Variants in CNTLN observed in about 807,000 individuals in gnomAD.
CNTLN encodes centlein.
In CNTLN, 212 loss-of-function variants were observed where a neutral mutation model predicts 180.0. The observed-to-expected ratio is 1.18, with a 90% CI of 1.05 to 1.32. The LOEUF (loss-of-function observed/expected upper bound fraction) is 1.32. Ranked by LOEUF, CNTLN falls within the 40% of genes most tolerant of loss-of-function variation. The pLI is 0.00. For synonymous variants in CNTLN, 722 were observed against 563.1 expected, an observed-to-expected ratio of 1.28 and a Z score of -3.99; for missense variants, 2,095 against 1,610.9, an observed-to-expected ratio of 1.30 and a Z score of -5.14.
intron 6 of CNTLN, among the ~76,000 whole-genome samples, chr9:17,295,203 C>A (rs1305444213): frequency 1.3e-5 from 2 of 152,064 alleles, no homozygotes; most frequent in Non-Finnish European, 2.9e-5. Flanking sequence ...TTCCCGCCCA[C>A]GCCTGTCCCT....
chr9:17,440,153 C>T (rs1380463944), intron 18 of CNTLN, among the ~76,000 whole-genome samples: 2 of 152,104 alleles, frequency 1.3e-5, no homozygotes, highest in African/African-American at 4.8e-5. Flanking sequence ...TTGTAACCTT[C>T]ATACAATGCT....
chr9:17,157,626 C>T (rs1028209128), intron 2 of CNTLN, among the ~76,000 whole-genome samples: 7 of 152,192 alleles, frequency 4.6e-5, no homozygotes, highest in Non-Finnish European at 7.3e-5. Context: ...AGACTGCCCT[C>T]TCCAATGTTG....
intron 5 of CNTLN, among the ~76,000 whole-genome samples, chr9:17,258,258 T>C (rs1391880729): frequency 6.8e-6 from 1 of 146,802 alleles, no homozygotes; most frequent in Non-Finnish European, 1.5e-5. Context: ...TGCTTGTTTT[T>C]CTCAGGTTTG....
At chr9:17,426,052 G>A (rs1829062751) in intron 18 of CNTLN, among the ~76,000 whole-genome samples, 1 of 152,176 alleles carries the variant, frequency 6.6e-6, no homozygotes, top group African/African-American at 2.4e-5. Flanking sequence ...GTGTGAATGT[G>A]AACCAGGGAC....
chr9:17,502,678 A>G lies in CNTLN; in HGVS notation c.*26A>G. ...TATTAAAATGGAGAGCTTTATTGCAAATGTGAAAACTTTTTATGTGGTGTG... is the reference window on the plus strand; with the variant it reads ...TATTAAAATGGAGAGCTTTATTGCAGATGTGAAAACTTTTTATGTGGTGTG... On this transcript the variant is annotated 3_prime_UTR_variant, in exon 26 of 26. Coordinates refer to ENST00000380647, the MANE Select transcript of CNTLN (RefSeq NM_017738.4). 1 of 959,214 alleles carries G rather than the reference A, an allele frequency of 1.0e-6. No homozygotes were observed. Among genetic ancestry groups the G allele is most frequent in the Non-Finnish European group, 1.5e-6 (1 of 656,630 alleles). The allele number at this position is 959,214 out of a possible 1,614,324, so 59.4% of individuals were successfully genotyped here. A position where few individuals can be genotyped will look rare whatever the true frequency, so the allele number is the denominator to read the frequency against.
intron 10 of CNTLN, among the ~76,000 whole-genome samples, chr9:17,334,386 A>T (rs946207657): frequency 2.6e-5 from 4 of 151,316 alleles, no homozygotes; most frequent in African/African-American, 9.7e-5. Flanking sequence ...GAAATTTGTT[A>T]CCTGGGTTCT....
At chr9:17,188,108 A>T (rs1434665477) in intron 2 of CNTLN, among the ~76,000 whole-genome samples, 1 of 151,416 alleles carries the variant, frequency 6.6e-6, no homozygotes, top group Admixed American at 6.6e-5. Context: ...TCCTCCGCAA[A>T]GTTTCATATC....
chr9:17,406,219 G>A (rs1346829914), intron 15 of CNTLN, among the ~76,000 whole-genome samples: 1 of 151,690 alleles, frequency 6.6e-6, no homozygotes, highest in Non-Finnish European at 1.5e-5. Flanking sequence ...GGAAATCTTG[G>A]TGGATTTCTT....
At chr9:17,387,523 T>G (rs1187290059) in intron 13 of CNTLN, among the ~76,000 whole-genome samples, 1 of 152,158 alleles carries the variant, frequency 6.6e-6, no homozygotes, top group Non-Finnish European at 1.5e-5. Flanking sequence ...AGGTTTTGGC[T>G]TGGTTGAAAA....
intron 14 of CNTLN, among the ~76,000 whole-genome samples, chr9:17,392,056 AG>A (rs1392857382): frequency 1.4e-4 from 21 of 151,766 alleles, no homozygotes; most frequent in African/African-American, 3.6e-4. Flanking sequence ...CACTGTTTAA[AG>A]AAAAAATGTG....
At chr9:17,333,108 C>A (rs1298683680) in intron 10 of CNTLN, among the ~76,000 whole-genome samples, 1 of 151,866 alleles carries the variant, frequency 6.6e-6, no homozygotes, top group Non-Finnish European at 1.5e-5. Context: ...AGCATATTAA[C>A]CTAGCTCAGA....
intron 7 of CNTLN, among the ~76,000 whole-genome samples, chr9:17,303,639 G>C (rs1818518224): frequency 6.6e-6 from 1 of 151,862 alleles, no homozygotes; most frequent in South Asian, 2.1e-4. Flanking sequence ...TGTCAGGTGT[G>C]TTATTGTTCA....
At chr9:17,437,521 A>G (rs1829849211) in intron 18 of CNTLN, among the ~76,000 whole-genome samples, 2 of 152,206 alleles carry the variant, frequency 1.3e-5, no homozygotes, top group African/African-American at 4.8e-5. Context: ...TCTCATCAAT[A>G]TCAATGTTTC....
At chr9:17,458,770 C>A (rs1016793976) in intron 19 of CNTLN, among the ~76,000 whole-genome samples, 2 of 151,826 alleles carry the variant, frequency 1.3e-5, no homozygotes, top group African/African-American at 4.8e-5. Flanking sequence ...ATACCATCTT[C>A]TTTAGTCAAT....
intron 7 of CNTLN, among the ~76,000 whole-genome samples, chr9:17,307,577 AT>A (rs144434289): frequency 6.6e-6 from 1 of 151,512 alleles, no homozygotes. Flanking sequence ...CCAGAGATAC[AT>A]TTTTTTTTAA....
At chr9:17,347,249 A>G (rs561582103) in intron 12 of CNTLN, among the ~76,000 whole-genome samples, 5 of 152,166 alleles carry the variant, frequency 3.3e-5, no homozygotes, top group Non-Finnish European at 7.4e-5. Context: ...TTGATTATAG[A>G]TTTTCCTTGT....
At position 17,259,046 on chromosome 9, in the gene CNTLN, T is replaced by G. The variant is rs553098297; in HGVS notation, c.850-14687T>G. Among the ~76,000 whole-genome samples, 74 of 148,976 alleles carry G rather than the reference T, an allele frequency of 5.0e-4. 3 individuals carry two copies. The highest frequency in any genetic ancestry group is 1.3e-3 in the African/African-American group (53 of 39,414). On this transcript the variant is annotated intron_variant, in intron 5 of 25. Transcript: ENST00000380647. ...GTGGTGAGAGAGGGCATCCCTGTCT[T>G]GTGCCAGTTTTCAAAGGGAATGCTT...
intron 2 of CNTLN, among the ~76,000 whole-genome samples, chr9:17,157,612 A>AATT (rs1166476853): frequency 2.6e-5 from 4 of 152,166 alleles, no homozygotes; most frequent in African/African-American, 9.7e-5. Context: ...GAACTGAGTA[A>AATT]AGCAGACTGC....
chr9:17,237,301 A>G lies in CNTLN; in HGVS notation c.849+713A>G, dbSNP rs545803352. 1.4e-3 allele frequency among the ~76,000 whole-genome samples: 205 copies of G among 150,908 alleles called. 1 individual carries two copies. Among genetic ancestry groups the G allele is most frequent in the Middle Eastern group, 3.4e-3 (1 of 294 alleles). ...AACTATAGATTTTGTTGAAAAGGGC[A>G]GACACAGATTTTAGTACTAGTAAAT... On this transcript the variant is annotated intron_variant, in intron 5 of 25. Transcript: ENST00000380647.
Sources: gnomAD v4.1 joint callset for allele counts (sites outside exome capture counted in the v4.1 genomes callset) on GRCh38, gnomAD v4.1.1 for gene constraint, MANE v1.5 for transcripts, NCBI Gene and HGNC (gene_info 2026-07-23, HGNC 2026-07-21) for gene names.